The following SH2D4A variants were observed in gnomAD, a reference collection of about 807,000 sequenced individuals.
SH2D4A encodes SH2 domain-containing protein 4A.
In SH2D4A, 70 loss-of-function variants were observed where a neutral mutation model predicts 64.7. The observed-to-expected ratio is 1.08, with a 90% CI of 0.89 to 1.32. The LOEUF (loss-of-function observed/expected upper bound fraction) is 1.32. Among genes scored for constraint, SH2D4A ranks in the 40% most tolerant of loss-of-function variants. The pLI is 0.00. For missense variants in SH2D4A, 706 were observed against 540.1 expected, an observed-to-expected ratio of 1.31 and a Z score of -3.04; for synonymous variants, 268 against 200.7, an observed-to-expected ratio of 1.34 and a Z score of -2.83.
At position 19,376,107 on chromosome 8, in the gene SH2D4A, G is replaced by A. The variant is rs140834456; in HGVS notation, c.1048+2447G>A. 7.0e-3 allele frequency among the ~76,000 whole-genome samples: 1,059 copies of A among 152,192 alleles called. 5 individuals are homozygous for A. The highest frequency in any genetic ancestry group is 0.024 in the African/African-American group (1,006 of 41,496). The stretch of plus-strand genomic sequence containing the variant: ...CTGACTTCTTAAGGAATTGACTCAC[G>A]TGATTACAGAGGCTTGGTAAGTCCC... On this transcript the variant is annotated intron_variant, in intron 8 of 9. Transcript: ENST00000265807.
chr8:19,340,796 C>T (rs552417670), intron 4 of SH2D4A, among the ~76,000 whole-genome samples: 7 of 151,988 alleles, frequency 4.6e-5, no homozygotes, highest in African/African-American at 1.4e-4. Context: ...CAGGGTTTCA[C>T]TGTGTTGCCC....
intron 7 of SH2D4A, among the ~76,000 whole-genome samples, chr8:19,366,715 C>A (rs1035069633): frequency 2.6e-5 from 4 of 152,020 alleles, no homozygotes; most frequent in Non-Finnish European, 5.9e-5. Flanking sequence ...TCACTTGAAC[C>A]CAGGAGGCGA....
Position 19,396,102 on chromosome 8 carries a change from C to T in SH2D4A, c.*1460C>T, listed in dbSNP as rs1041501630. On this transcript the variant is annotated 3_prime_UTR_variant, in exon 10 of 10. Coordinates refer to ENST00000265807, the MANE Select transcript of SH2D4A (RefSeq NM_022071.4). Reference sequence around the variant, plus strand: ...CCTCTGGACAGGGACTGAGGTGGCTCTGAGCCACTGGAGATCATTTTTCTT... The same window carrying T: ...CCTCTGGACAGGGACTGAGGTGGCTTTGAGCCACTGGAGATCATTTTTCTT... 5 of 152,188 alleles carry T rather than the reference C, an allele frequency of 3.3e-5. No individual in the cohort carries two copies. Among genetic ancestry groups the T allele is most frequent in the African/African-American group, 7.2e-5 (3 of 41,438 alleles). 9.4% of individuals were successfully genotyped at this position (152,188 alleles called of 1,614,324 possible).
chr8:19,345,686 G>T (rs1243675897), intron 4 of SH2D4A, among the ~76,000 whole-genome samples: 3 of 152,192 alleles, frequency 2.0e-5, no homozygotes, highest in African/African-American at 7.2e-5. Flanking sequence ...TAAAAATGTA[G>T]AGAGCTGTAC....
chr8:19,355,940 CAAT>C (rs2052784961), intron 4 of SH2D4A, among the ~76,000 whole-genome samples: 1 of 152,156 alleles, frequency 6.6e-6, no homozygotes, highest in Non-Finnish European at 1.5e-5. Flanking sequence ...GCCAAAAATA[CAAT>C]AAAAGTTATT....
chr8:19,331,670 A>G (rs139451489), intron 2 of SH2D4A, among the ~76,000 whole-genome samples: 1 of 152,222 alleles, frequency 6.6e-6, no homozygotes, highest in Non-Finnish European at 1.5e-5. Flanking sequence ...TAAGTAAATA[A>G]TAGGCTAGCA....
chr8:19,394,045 G>A (rs2053545065), intron 9 of SH2D4A, among the ~76,000 whole-genome samples: 1 of 152,196 alleles, frequency 6.6e-6, no homozygotes, highest in Non-Finnish European at 1.5e-5. Flanking sequence ...AGTCCCATCT[G>A]GAGGTGATGG....
At chr8:19,339,895 G>A (rs913775302) in intron 4 of SH2D4A, among the ~76,000 whole-genome samples, 4 of 152,154 alleles carry the variant, frequency 2.6e-5, no homozygotes, top group East Asian at 1.9e-4. Context: ...TACCCAATAG[G>A]TGCTAAGTAT....
chr8:19,353,338 G>T (rs1200535539), intron 4 of SH2D4A, among the ~76,000 whole-genome samples: 2 of 150,654 alleles, frequency 1.3e-5, no homozygotes, highest in Non-Finnish European at 3.0e-5. Flanking sequence ...GCCATCATAA[G>T]TCATTACTTT....
At position 19,373,637 on chromosome 8, in the gene SH2D4A, A is replaced by G. The variant is rs369089758; in HGVS notation, c.1025A>G (p.Asp342Gly). 1.1e-5 allele frequency: 18 copies of G among 1,613,336 alleles called. No homozygotes were observed. Among genetic ancestry groups the G allele is most frequent in the Non-Finnish European group, 1.5e-5 (18 of 1,179,590 alleles). ...PLRAGYQKTS[D>G]TIAPWFHGIL... Reference sequence around the variant, plus strand: ...CGAGCGGGCTACCAGAAAACCTCAGACACCATAGCCCCCTGGTTCCATGGT... The same window carrying G: ...CGAGCGGGCTACCAGAAAACCTCAGGCACCATAGCCCCCTGGTTCCATGGT... The change falls in exon 8 of 10, where the codon GAC becomes GGC. Residue 342 changes from aspartate to glycine, a missense_variant. Asp to Gly is a moderately conservative substitution (Grantham distance 94). Coordinates refer to ENST00000265807, the MANE Select transcript of SH2D4A (RefSeq NM_022071.4).
chr8:19,360,590 G>T (rs2052866731), intron 5 of SH2D4A, among the ~76,000 whole-genome samples: 1 of 152,110 alleles, frequency 6.6e-6, no homozygotes, highest in Non-Finnish European at 1.5e-5. Flanking sequence ...CTCCAGCCTG[G>T]GCGAAGGAGT....
intron 2 of SH2D4A, among the ~76,000 whole-genome samples, chr8:19,329,876 A>C (rs960764245): frequency 6.6e-6 from 1 of 152,144 alleles, no homozygotes; most frequent in Non-Finnish European, 1.5e-5. Flanking sequence ...TAAGTAATTA[A>C]ACTCTTTCTT....
intron 8 of SH2D4A, 73 bp downstream of exon 8, chr8:19,373,733 A>G: frequency 6.6e-7 from 1 of 1,510,006 alleles, no homozygotes; most frequent in Non-Finnish European, 8.9e-7. Flanking sequence ...CCAGGAAGCC[A>G]GAATAAAAGC....
chr8:19,331,033 A>G (rs2052358182), intron 2 of SH2D4A, among the ~76,000 whole-genome samples: 2 of 152,224 alleles, frequency 1.3e-5, no homozygotes, highest in South Asian at 4.1e-4. Context: ...CTCCACAGTG[A>G]AAACAGTAAA....
intron 8 of SH2D4A, among the ~76,000 whole-genome samples, chr8:19,379,339 T>C (rs2153650865): frequency 6.6e-6 from 1 of 152,344 alleles, no homozygotes; most frequent in Middle Eastern, 3.4e-3. Flanking sequence ...TTGTTGTGCA[T>C]GTCAGAATTT....
intron 2 of SH2D4A, among the ~76,000 whole-genome samples, chr8:19,324,689 C>G (rs2117185682): frequency 6.6e-6 from 1 of 152,260 alleles, no homozygotes; most frequent in South Asian, 2.1e-4. Context: ...CAGGGGGTGC[C>G]TCACACTGCA....
At chr8:19,359,673 T>C (rs927962936) in intron 5 of SH2D4A, among the ~76,000 whole-genome samples, 1 of 149,816 alleles carries the variant, frequency 6.7e-6, no homozygotes, top group Non-Finnish European at 1.5e-5. Flanking sequence ...GGAGCTTAGC[T>C]CTAGGCAGGA....
At chr8:19,386,613 C>T (rs1018490910) in intron 8 of SH2D4A, among the ~76,000 whole-genome samples, 1 of 152,040 alleles carries the variant, frequency 6.6e-6, no homozygotes, top group African/African-American at 2.4e-5. Context: ...CCTGAGGTTG[C>T]CTAGAGGGGC....
In SH2D4A at chr8:19,364,153, G is replaced by C. The variant is rs877386; in HGVS notation, c.788G>C (p.Gly263Ala). The C allele has an allele frequency of 0.024, 38,073 of 1,614,064 alleles. 1,190 individuals are homozygous for C. Among genetic ancestry groups the C allele is most frequent in the East Asian group, 0.18 (8,112 of 44,854 alleles). ...GAAGACTACAAGAGGTTATCCCTCG[G>C]GGCCCAGAAAGGAAGAGGCGGTGAG... ...AREDYKRLSL[G>A]AQKGRGGERL... Residue 263 changes from glycine (G) to alanine (A), a missense_variant, in exon 7 of 10, where the codon GGG (glycine) becomes GCG (alanine). By Grantham distance (60) the Gly-to-Ala change is moderately conservative. Coordinates refer to ENST00000265807, the MANE Select transcript of SH2D4A (RefSeq NM_022071.4).
Sources: allele counts gnomAD v4.1 joint callset (sites outside exome capture counted in the v4.1 genomes callset), GRCh38; gene constraint gnomAD v4.1.1; transcripts MANE v1.5; gene names NCBI Gene and HGNC (gene_info 2026-07-23, HGNC 2026-07-21).